Variants in ADAMTS12 observed in about 807,000 individuals in gnomAD.
ADAMTS12 encodes the protein A disintegrin and metalloproteinase with thrombospondin motifs 12.
Under a neutral mutation model 167.8 loss-of-function variants are expected in ADAMTS12, and 118 were observed. That is an observed-to-expected ratio of 0.70 (90% confidence interval 0.61 to 0.82). ADAMTS12 has a LOEUF of 0.82. ADAMTS12 is among the 40% of genes least tolerant of loss of function. The pLI, the probability that ADAMTS12 is intolerant of heterozygous loss-of-function variation, is 0.00. For synonymous variants in ADAMTS12, 704 were observed against 716.9 expected, an observed-to-expected ratio of 0.98 and a Z score of 0.29; for missense variants, 1,916 against 1,998.8, an observed-to-expected ratio of 0.96 and a Z score of 0.79.
chr5:33,814,934 A>T (rs193001943), intron 2 of ADAMTS12, among the ~76,000 whole-genome samples: 53 of 152,298 alleles, frequency 3.5e-4, no homozygotes, highest in Admixed American at 2.6e-3. Context: ...TTTAGGAAAG[A>T]ATAGGAAAAG....
chr5:33,777,326 C>T (rs1454330499), intron 2 of ADAMTS12, among the ~76,000 whole-genome samples: 2 of 151,910 alleles, frequency 1.3e-5, no homozygotes, highest in African/African-American at 2.4e-5. Flanking sequence ...AAAAATCATG[C>T]AACATAATCA....
chr5:33,543,351 T>C (rs969977221), intron 22 of ADAMTS12, among the ~76,000 whole-genome samples: 3 of 152,134 alleles, frequency 2.0e-5, no homozygotes, highest in Non-Finnish European at 4.4e-5. Flanking sequence ...TAACAGACTC[T>C]GAAATTGAGG....
At chr5:33,700,651 C>T (rs1355176127) in intron 3 of ADAMTS12, among the ~76,000 whole-genome samples, 8 of 152,020 alleles carry the variant, frequency 5.3e-5, no homozygotes, top group Non-Finnish European at 1.2e-4. Flanking sequence ...TGCGATAAAA[C>T]CATACAGAAC....
At chr5:33,706,127 T>A (rs1743193696) in intron 3 of ADAMTS12, among the ~76,000 whole-genome samples, 1 of 152,090 alleles carries the variant, frequency 6.6e-6, no homozygotes, top group East Asian at 1.9e-4. Context: ...ATCTTGAAAG[T>A]TTTATGGCAA....
rs146847079 is a variant in ADAMTS12 at position 33,728,279 on chromosome 5, C to T, written c.634+23125G>A. Reference sequence around the variant, plus strand: ...ATTTCAGCTGAAAATCCACAGCCTACGAGAGAAGTGGAAAGGGGGAGGGGA... The same window carrying T: ...ATTTCAGCTGAAAATCCACAGCCTATGAGAGAAGTGGAAAGGGGGAGGGGA... On this transcript the variant is annotated intron_variant, in intron 3 of 23. Coordinates refer to ENST00000504830, the MANE Select transcript of ADAMTS12 (RefSeq NM_030955.4). Among the ~76,000 whole-genome samples the T allele has an allele frequency of 8.3e-4, 126 of 152,110 alleles. 2 individuals are homozygous for T. The highest frequency in any genetic ancestry group is 2.7e-3 in the African/African-American group (111 of 41,480).
chr5:33,803,814 T>C (rs1490921678), intron 2 of ADAMTS12, among the ~76,000 whole-genome samples: 2 of 152,152 alleles, frequency 1.3e-5, no homozygotes, highest in African/African-American at 4.8e-5. Context: ...ATGAGACTTA[T>C]TCATTATCAC....
chr5:33,561,287 C>A, intron 19 of ADAMTS12, 108 bp from the exon 20 acceptor site: 1 of 1,368,730 alleles, frequency 7.3e-7, no homozygotes, highest in East Asian at 2.4e-5. Flanking sequence ...CTAACATTGC[C>A]CACAGAGCTT....
chr5:33,867,640 A>AAC (rs1301496528), intron 2 of ADAMTS12, among the ~76,000 whole-genome samples: 5 of 151,818 alleles, frequency 3.3e-5, no homozygotes, highest in African/African-American at 4.8e-5. Context: ...ACACAGCACA[A>AAC]ACACACACAC....
chr5:33,563,302 G>A (rs1745837511), intron 19 of ADAMTS12, among the ~76,000 whole-genome samples: 1 of 152,202 alleles, frequency 6.6e-6, no homozygotes, highest in African/African-American at 2.4e-5. Context: ...CTGTCATCCA[G>A]AGGTGGAATT....
At chr5:33,672,398 TCA>T (rs1206525587) in intron 5 of ADAMTS12, among the ~76,000 whole-genome samples, 1 of 151,692 alleles carries the variant, frequency 6.6e-6, no homozygotes, top group Non-Finnish European at 1.5e-5. Context: ...ATCCACACAC[TCA>T]CACATGGATA....
intron 1 of ADAMTS12, among the ~76,000 whole-genome samples, chr5:33,889,633 T>C (rs1310923915): frequency 3.9e-5 from 6 of 152,212 alleles, no homozygotes; most frequent in African/African-American, 9.6e-5. Context: ...AGGGAATTGA[T>C]TGTGGTTGGT....
At chr5:33,530,641 A>C (rs256601) in intron 23 of ADAMTS12, among the ~76,000 whole-genome samples, 74,366 of 152,022 alleles carry the variant, frequency 0.49, 19,497 homozygotes, top group East Asian at 0.78. Flanking sequence ...AGCTGACAGC[A>C]ACCGTTCCAC....
chr5:33,694,526 G>C (rs530804218), intron 3 of ADAMTS12, among the ~76,000 whole-genome samples: 11 of 152,250 alleles, frequency 7.2e-5, no homozygotes, highest in African/African-American at 2.6e-4. Context: ...TACCTGACTG[G>C]TAAAAAGGTT....
chr5:33,827,783 T>C (rs1466641041), intron 2 of ADAMTS12, among the ~76,000 whole-genome samples: 1 of 151,940 alleles, frequency 6.6e-6, no homozygotes. Context: ...TTTGCTAATG[T>C]AGTTTATTTT....
At chr5:33,755,488 G>C (rs1480910363) in intron 2 of ADAMTS12, among the ~76,000 whole-genome samples, 1 of 152,172 alleles carries the variant, frequency 6.6e-6, no homozygotes, top group East Asian at 1.9e-4. Flanking sequence ...CCCTCAACTT[G>C]CATCAACATA....
At chr5:33,642,655 A>G (rs1740506046) in intron 10 of ADAMTS12, among the ~76,000 whole-genome samples, 1 of 152,160 alleles carries the variant, frequency 6.6e-6, no homozygotes, top group African/African-American at 2.4e-5. Context: ...AAAAATGAAA[A>G]CAAAGGGAAA....
In ADAMTS12 at chr5:33,881,185, GAGATGGCAGAGGGGGGCAGAGGA is replaced by G. The variant is rs1750426213; in HGVS notation, c.400_422del (p.Ser134GlnfsTer36). On this transcript the variant is annotated frameshift_variant, in exon 2 of 24. Coordinates refer to ENST00000504830, the MANE Select transcript of ADAMTS12 (RefSeq NM_030955.4). LOFTEE classifies it high-confidence loss of function. ...TGCCCTGCTGTAGAACCGTGCCACTGAGATGGCAGAGGGGGGCAGAGGAAGCCATCATCTTAACATGGGAGAGG... is the reference window on the plus strand; with the variant it reads ...TGCCCTGCTGTAGAACCGTGCCACTGAGCCATCATCTTAACATGGGAGAGG... 2 of 1,614,188 alleles carry G rather than the reference GAGATGGCAGAGGGGGGCAGAGGA, an allele frequency of 1.2e-6. No homozygotes were observed. The highest frequency in any genetic ancestry group is 1.3e-5 in the African/African-American group (1 of 75,060).
At position 33,586,263 on chromosome 5, in the gene ADAMTS12, A is replaced by G. The variant is rs140287139; in HGVS notation, c.2865+2336T>C. On this transcript the variant is annotated intron_variant, in intron 18 of 23. Transcript: ENST00000504830. ...GTTAGAATGTCAAAGACATTTCATC[A>G]TACTCCAGCAAAGTTCATTAGGAGG... is the stretch of plus-strand genomic sequence containing the variant. Among the ~76,000 whole-genome samples the G allele has an allele frequency of 3.3e-3, 501 of 152,364 alleles. 5 individuals carry two copies. Among genetic ancestry groups the G allele is most frequent in the African/African-American group, 0.012 (485 of 41,586 alleles).
chr5:33,580,457 A>G lies in ADAMTS12; in HGVS notation c.2866-3297T>C, dbSNP rs900634538. Among the ~76,000 whole-genome samples the G allele has an allele frequency of 3.6e-5, 5 of 139,212 alleles. No individual in the cohort carries two copies. In the Admixed American group the frequency reaches 3.6e-4, roughly 10 times the overall value. The allele number at this position is 139,212 out of a possible 152,430, so 91.3% of individuals were successfully genotyped here. On this transcript the variant is annotated intron_variant, in intron 18 of 23. Transcript: ENST00000504830. Reference sequence around the variant, plus strand: ...AGCTCCCATGATCTAATCATTCCCCATGAGTTCCCTCCCTCAACACATGGG... The same window carrying G: ...AGCTCCCATGATCTAATCATTCCCCGTGAGTTCCCTCCCTCAACACATGGG...
Sources: gnomAD v4.1 joint callset for allele counts (sites outside exome capture counted in the v4.1 genomes callset) on GRCh38, gnomAD v4.1.1 for gene constraint, MANE v1.5 for transcripts, NCBI Gene and HGNC (gene_info 2026-07-23, HGNC 2026-07-21) for gene names.